PCNX2: variants seen among roughly 807,000 people sequenced by gnomAD.
The protein encoded by PCNX2 is pecanex-like protein 2.
PCNX2 carries 168 observed loss-of-function variants against 223.8 expected under a neutral mutation model. That is an observed-to-expected ratio of 0.75 (90% CI 0.66 to 0.85). The LOEUF (loss-of-function observed/expected upper bound fraction) is 0.85. PCNX2 is among the 40% of genes least tolerant of loss of function. The pLI, the probability that PCNX2 is intolerant of heterozygous loss-of-function variation, is 0.00. For missense variants in PCNX2, 2,507 were observed against 2,675.5 expected (o/e 0.94, Z 1.39); for synonymous variants, 1,006 against 1,052.6 (o/e 0.96, Z 0.86).
chr1:233,085,636 A>G (rs1673566006), intron 23 of PCNX2, among the ~76,000 whole-genome samples: 1 of 152,172 alleles, frequency 6.6e-6, no homozygotes, highest in Non-Finnish European at 1.5e-5. Flanking sequence ...GAGAGAATCG[A>G]TGCTGCAGAA....
chr1:233,289,669 C>A (rs1661648896), intron 1 of PCNX2, among the ~76,000 whole-genome samples: 1 of 152,152 alleles, frequency 6.6e-6, no homozygotes, highest in African/African-American at 2.4e-5. Context: ...AGTGGAAGGA[C>A]CAAATATCAA....
intron 28 of PCNX2, among the ~76,000 whole-genome samples, chr1:233,010,430 G>C (rs1670426460): frequency 6.6e-6 from 1 of 152,178 alleles, no homozygotes; most frequent in Admixed American, 6.5e-5. Flanking sequence ...ACTCTACTCT[G>C]AGTCAGTAAA....
chr1:233,019,089 T>C (rs899303318), intron 26 of PCNX2: 1 of 981,166 alleles, frequency 1.0e-6, no homozygotes, highest in Non-Finnish European at 1.2e-6. Context: ...GTTTCAAGGG[T>C]TTTTTTTTAG....
intron 21 of PCNX2, among the ~76,000 whole-genome samples, chr1:233,122,335 C>A (rs4526562): frequency 0.13 from 19,892 of 151,930 alleles, 1,414 homozygotes; most frequent in East Asian, 0.19. Flanking sequence ...TGATACTTTC[C>A]CCCAAAGGAA....
intron 8 of PCNX2, among the ~76,000 whole-genome samples, chr1:233,248,201 C>T (rs1038862236): frequency 2.6e-5 from 4 of 152,024 alleles, no homozygotes; most frequent in South Asian, 4.1e-4. Flanking sequence ...ACAGAGTCCT[C>T]GGGGTCACCT....
At chr1:233,102,281 T>C (rs1303783965) in intron 21 of PCNX2, among the ~76,000 whole-genome samples, 1 of 152,188 alleles carries the variant, frequency 6.6e-6, no homozygotes, top group Non-Finnish European at 1.5e-5. Context: ...ATTCATCTGC[T>C]GATGGGGACT....
At chr1:233,241,737 A>G (rs1658779942) in intron 8 of PCNX2, among the ~76,000 whole-genome samples, 1 of 152,234 alleles carries the variant, frequency 6.6e-6, no homozygotes. Context: ...AAATTTCTAA[A>G]CTATAATTGA....
chr1:233,094,630 G>A (rs1375186776), intron 22 of PCNX2, among the ~76,000 whole-genome samples: 1 of 152,068 alleles, frequency 6.6e-6, no homozygotes, highest in Non-Finnish European at 1.5e-5. Context: ...ATCACTCAAG[G>A]ATTATCCTAA....
At chr1:233,089,898 G>T in intron 23 of PCNX2, 163 bp downstream of exon 23, 1 of 1,413,164 alleles carries the variant, frequency 7.1e-7, no homozygotes, top group Non-Finnish European at 9.2e-7. Flanking sequence ...AGACCCAAGA[G>T]CTGAGTCAAT....
At position 233,156,155 on chromosome 1, in the gene PCNX2, T is replaced by A. The variant is rs116502784; in HGVS notation, c.3517+4128A>T. On this transcript the variant is annotated intron_variant, in intron 19 of 33. Coordinates refer to ENST00000258229, the MANE Select transcript of PCNX2 (RefSeq NM_014801.4). Reference sequence around the variant, plus strand: ...GGGAGGAGATAATATTTACTTTCAATAAATTAGTCTCAAAGGTAAAGAATT... The same window carrying A: ...GGGAGGAGATAATATTTACTTTCAAAAAATTAGTCTCAAAGGTAAAGAATT... Among the ~76,000 whole-genome samples the A allele has an allele frequency of 6.7e-3, 1,013 of 152,326 alleles. 6 individuals carry two copies. The highest frequency in any genetic ancestry group is 0.031 in the Middle Eastern group (9 of 294).
intron 33 of PCNX2, 28 bp from the exon 34 acceptor site, chr1:232,984,505 A>T (rs778603754): frequency 4.3e-5 from 69 of 1,604,522 alleles, no homozygotes; most frequent in Non-Finnish European, 5.9e-5. Flanking sequence ...GAAACAGTGA[A>T]CAGCTCAGCA....
chr1:233,101,236 G>A (rs1346642107), intron 21 of PCNX2, among the ~76,000 whole-genome samples: 1 of 152,276 alleles, frequency 6.6e-6, no homozygotes, highest in South Asian at 2.1e-4. Context: ...AAAGAAAAAT[G>A]TTCAAGAAGG....
At chr1:233,286,004 GACCAAGGA>G (rs1286911490) in intron 1 of PCNX2, among the ~76,000 whole-genome samples, 1 of 152,170 alleles carries the variant, frequency 6.6e-6, no homozygotes, top group Non-Finnish European at 1.5e-5. Context: ...TGAAAGTGTT[GACCAAGGA>G]ACCAAGGTAG....
At chr1:233,160,246 C>CTTT (rs78656857) in intron 19 of PCNX2, 37 bp downstream of exon 19, 2 of 1,445,576 alleles carry the variant, frequency 1.4e-6, no homozygotes, top group South Asian at 1.2e-5. Flanking sequence ...CCTACCCCTC[C>CTTT]TTTTTTTTTT....
At chr1:233,119,500 CTG>C (rs1301157952) in intron 21 of PCNX2, among the ~76,000 whole-genome samples, 3 of 144,086 alleles carry the variant, frequency 2.1e-5, no homozygotes, top group Non-Finnish European at 3.0e-5. Context: ...AAGGAGAATG[CTG>C]TGAACCCAGG....
intron 15 of PCNX2, 53 bp downstream of exon 15, chr1:233,198,883 AAAT>A: frequency 6.9e-7 from 1 of 1,446,756 alleles, no homozygotes; most frequent in East Asian, 2.5e-5. Context: ...TTGTTTAAAA[AAAT>A]AAGTTAATTT....
chr1:232,995,509 C>T (rs193028305), intron 32 of PCNX2, among the ~76,000 whole-genome samples: 50 of 152,108 alleles, frequency 3.3e-4, no homozygotes, highest in Admixed American at 3.0e-3. Flanking sequence ...AGGTAGATGC[C>T]CCAAAAATAC....
At chr1:233,152,083 T>C (rs1319576178) in intron 19 of PCNX2, among the ~76,000 whole-genome samples, 1 of 152,088 alleles carries the variant, frequency 6.6e-6, no homozygotes, top group Non-Finnish European at 1.5e-5. Flanking sequence ...AGTTTCCCAG[T>C]GGACCAGAGG....
rs950314785 is a variant in PCNX2 at position 233,292,081 on chromosome 1, A to C, written c.153+3245T>G. 3.3e-5 allele frequency: 30 copies of C among 913,186 alleles called. No homozygotes were observed. In the African/African-American group the frequency reaches 4.7e-4, roughly 14 times the overall value. 56.6% of individuals were successfully genotyped at this position (913,186 alleles called of 1,614,324 possible). ...CACATTATCACCCAGATCTAAGTAC[A>C]TTCTAGGGATTATAAATAAATTTGC... On this transcript the variant is annotated intron_variant, in intron 1 of 33. Transcript: ENST00000258229.
Sources: gnomAD v4.1 joint callset for allele counts (sites outside exome capture counted in the v4.1 genomes callset) on GRCh38, gnomAD v4.1.1 for gene constraint, MANE v1.5 for transcripts, NCBI Gene and HGNC (gene_info 2026-07-23, HGNC 2026-07-21) for gene names.